The following TERB1 variants were observed in gnomAD, a reference collection of about 807,000 sequenced individuals.
The protein encoded by TERB1 is telomere repeats-binding bouquet formation protein 1.
TERB1 carries 63 observed loss-of-function variants against 92.3 expected under a neutral mutation model. The ratio of observed to expected loss-of-function variants is 0.68; its 90% CI spans 0.56 to 0.84. The LOEUF (loss-of-function observed/expected upper bound fraction) is 0.84. Ranked by LOEUF, TERB1 falls within the 40% of genes least tolerant of loss-of-function variation. The pLI is 0.00. For missense variants in TERB1, 709 were observed against 843.7 expected (o/e 0.84, Z 1.98); for synonymous variants, 252 against 283.9 (o/e 0.89, Z 1.13).
chr16:66,777,062 G>A (rs1597017733), intron 11 of TERB1, 141 bp downstream of exon 11: 1 of 701,622 alleles, frequency 1.4e-6, no homozygotes, highest in Non-Finnish European at 2.3e-6. Flanking sequence ...ATTAGGAGCT[G>A]AAATGACTAG....
intron 3 of TERB1, among the ~76,000 whole-genome samples, chr16:66,792,408 T>C (rs1476249657): frequency 6.6e-6 from 1 of 152,082 alleles, no homozygotes; most frequent in East Asian, 1.9e-4. Flanking sequence ...TATATAACAT[T>C]GTCCCGAAGA....
rs1189591349 is a variant in TERB1, at chr16:66,790,990, CCAATA to C, written c.56_60del (p.Leu19Ter). On this transcript the variant is annotated frameshift_variant, in exon 4 of 19. Transcript: ENST00000433154. LOFTEE classifies it high-confidence loss of function. The stretch of plus-strand genomic sequence containing the variant: ...TTGTCCATTTGATACTTTAGACACT[CCAATA>C]ATAAGTTCAGGTCAGTCTTCATTTC... 2 of 1,544,698 alleles carry C rather than the reference CCAATA, an allele frequency of 1.3e-6. No homozygotes were observed. The highest frequency in any genetic ancestry group is 2.7e-5 in the African/African-American group (2 of 72,822).
chr16:66,756,340 A>G (rs1303742966), intron 18 of TERB1, among the ~76,000 whole-genome samples: 3 of 152,208 alleles, frequency 2.0e-5, no homozygotes, highest in Non-Finnish European at 4.4e-5. Flanking sequence ...TTCCCAGCAG[A>G]AGGTTATCAG....
At chr16:66,759,081 T>C (rs2018185126) in intron 17 of TERB1, 60 bp downstream of exon 17, 2 of 1,326,866 alleles carry the variant, frequency 1.5e-6, no homozygotes, top group Admixed American at 2.9e-5. Context: ...TTTAATGCTT[T>C]AGATAATAGT....
chr16:66,782,803 T>G (rs1348574047), intron 9 of TERB1, among the ~76,000 whole-genome samples: 1 of 152,174 alleles, frequency 6.6e-6, no homozygotes, highest in Non-Finnish European at 1.5e-5. Context: ...AAAGTGACGT[T>G]CTTACAGTGT....
rs145477670 is a variant in TERB1, at chr16:66,794,207, C to A, written c.31+2561G>T. On this transcript the variant is annotated intron_variant, in intron 3 of 18. Transcript: ENST00000433154. The stretch of plus-strand genomic sequence containing the variant: ...CTCAACCTCCTGGGCTCAAGGGATC[C>A]TCCCACCTCAGCCTCCCAAGTAGCC... Among the ~76,000 whole-genome samples, 353 of 152,208 alleles carry A rather than the reference C, an allele frequency of 2.3e-3. 2 individuals are homozygous for A. The highest frequency in any genetic ancestry group is 3.6e-3 in the Non-Finnish European group (244 of 68,016).
chr16:66,776,167 TA>T (rs1314042546), intron 11 of TERB1, among the ~76,000 whole-genome samples: 1 of 151,680 alleles, frequency 6.6e-6, no homozygotes, highest in Non-Finnish European at 1.5e-5. Flanking sequence ...CCGTCTCTAC[TA>T]AAAATGCATA....
chr16:66,796,977 T>C (rs1239293825), intron 2 of TERB1, 147 bp from the exon 3 acceptor site: 3 of 536,884 alleles, frequency 5.6e-6, no homozygotes, highest in Non-Finnish European at 9.8e-6. Flanking sequence ...TTAATTAACT[T>C]AGTTAATAAG....
At chr16:66,782,833 T>C (rs2018659502) in intron 9 of TERB1, among the ~76,000 whole-genome samples, 1 of 151,978 alleles carries the variant, frequency 6.6e-6, no homozygotes, top group Admixed American at 6.6e-5. Flanking sequence ...TAATCCAGAG[T>C]ATTATATATC....
rs1285818183 is a variant in TERB1 at position 66,758,756 on chromosome 16, A to G, written c.1996+17T>C. Reference sequence around the variant, plus strand: ...ACCCTGTCTCAAGAAAAAAAAAATTAAATTAAATATATTCACTTATTCCTC... The same window carrying G: ...ACCCTGTCTCAAGAAAAAAAAAATTGAATTAAATATATTCACTTATTCCTC... On this transcript the variant is annotated intron_variant, in intron 18 of 18. Transcript: ENST00000433154. 1.4e-6 allele frequency: 2 copies of G among 1,469,512 alleles called. No individual in the cohort carries two copies. The highest frequency in any genetic ancestry group is 2.4e-5 in the South Asian group (2 of 81,650). 91.0% of individuals were successfully genotyped at this position (1,469,512 alleles called of 1,614,324 possible).
intron 17 of TERB1, 124 bp downstream of exon 17, chr16:66,759,017 G>T: frequency 9.9e-7 from 1 of 1,014,492 alleles, no homozygotes. Context: ...ATTACTTGTT[G>T]CTTAGAGACA....
At chr16:66,770,437 G>C in intron 13 of TERB1, 128 bp from the exon 14 acceptor site, 1 of 651,862 alleles carries the variant, frequency 1.5e-6, no homozygotes. Context: ...TATGATAAAA[G>C]GCAGTTTACA....
At chr16:66,772,219 C>T (rs1345198963) in intron 13 of TERB1, among the ~76,000 whole-genome samples, 1 of 152,162 alleles carries the variant, frequency 6.6e-6, no homozygotes, top group African/African-American at 2.4e-5. Context: ...GTGGCTCATG[C>T]CTGTAATCCC....
intron 3 of TERB1, among the ~76,000 whole-genome samples, chr16:66,794,969 T>G (rs1217503895): frequency 6.7e-6 from 1 of 149,546 alleles, no homozygotes; most frequent in African/African-American, 2.5e-5. Flanking sequence ...TTTGATAAAT[T>G]GGACTTAACA....
intron 9 of TERB1, among the ~76,000 whole-genome samples, chr16:66,784,060 A>G (rs939672756): frequency 2.0e-5 from 3 of 152,162 alleles, no homozygotes; most frequent in Non-Finnish European, 4.4e-5. Flanking sequence ...TGTTTCTACT[A>G]TTCTTTTATT....
chr16:66,789,563 G>A (rs239476), intron 5 of TERB1, among the ~76,000 whole-genome samples: 1 of 22,752 alleles, frequency 4.4e-5, no homozygotes, highest in East Asian at 2.5e-3. Flanking sequence ...CAGCCTGGGC[G>A]ACAGAGCGAG....
chr16:66,772,553 A>G, intron 13 of TERB1, 36 bp downstream of exon 13: 11 of 1,507,110 alleles, frequency 7.3e-6, no homozygotes, highest in Non-Finnish European at 8.9e-6. Flanking sequence ...AAAAATTTGA[A>G]AAAAGTTCTA....
At chr16:66,775,035 T>C (rs915007557) in intron 12 of TERB1, 83 bp downstream of exon 12, 5 of 1,380,956 alleles carry the variant, frequency 3.6e-6, no homozygotes, top group East Asian at 2.5e-5. Flanking sequence ...CTGAGAGCTA[T>C]AGGGCCTTGG....
chr16:66,765,143 C>G (rs2018317168), intron 16 of TERB1, among the ~76,000 whole-genome samples: 1 of 152,144 alleles, frequency 6.6e-6, no homozygotes, highest in East Asian at 1.9e-4. Flanking sequence ...GGACTAAGCA[C>G]TCCATAATGT....
Sources: allele counts gnomAD v4.1 joint callset (sites outside exome capture counted in the v4.1 genomes callset), GRCh38; gene constraint gnomAD v4.1.1; transcripts MANE v1.5; gene names NCBI Gene and HGNC (gene_info 2026-07-23, HGNC 2026-07-21).